The following NTRK2 variants were observed in gnomAD, a reference collection of about 807,000 sequenced individuals.
NTRK2 encodes neurotrophic receptor tyrosine kinase 2, also known as BDNF/NT-3 growth factors receptor.
Under a neutral mutation model 94.5 loss-of-function variants are expected in NTRK2, and 13 were observed. That is an observed-to-expected ratio of 0.14 (90% CI 0.09 to 0.22). NTRK2 has a LOEUF of 0.22. Among genes scored for constraint, NTRK2 ranks in the 10% least tolerant of loss-of-function variants. The pLI, the probability that NTRK2 is intolerant of heterozygous loss-of-function variation, is 1.00. For synonymous variants in NTRK2, 372 were observed against 407.4 expected, an observed-to-expected ratio of 0.91 and a Z score of 1.05; for missense variants, 639 against 1,071.2, an observed-to-expected ratio of 0.60 and a Z score of 5.63.
chr9:84,762,953 G>A (rs2065715100), intron 12 of NTRK2, among the ~76,000 whole-genome samples: 1 of 152,166 alleles, frequency 6.6e-6, no homozygotes, highest in African/African-American at 2.4e-5. Flanking sequence ...GCTGGTGGCT[G>A]TCCATCTTCC....
intron 6 of NTRK2, among the ~76,000 whole-genome samples, chr9:84,717,131 G>A (rs59940325): frequency 1.3e-5 from 2 of 152,184 alleles, no homozygotes; most frequent in Non-Finnish European, 2.9e-5. Context: ...TGCACAAATA[G>A]AAGTGAGAGG....
intron 15 of NTRK2, among the ~76,000 whole-genome samples, chr9:84,940,951 T>C (rs1040721702): frequency 2.0e-5 from 3 of 152,166 alleles, no homozygotes; most frequent in Non-Finnish European, 4.4e-5. Context: ...TCCACTTACA[T>C]TGGCATGTGA....
chr9:84,776,688 A>G (rs573198068), intron 12 of NTRK2, among the ~76,000 whole-genome samples: 1 of 152,332 alleles, frequency 6.6e-6, no homozygotes, highest in African/African-American at 2.4e-5. Context: ...TGGCATGAAC[A>G]GCATATTTGT....
At chr9:84,983,603 G>A (rs888294522) in intron 17 of NTRK2, among the ~76,000 whole-genome samples, 1 of 152,096 alleles carries the variant, frequency 6.6e-6, no homozygotes, top group Non-Finnish European at 1.5e-5. Flanking sequence ...CTAAATCTGG[G>A]ATAGTGTAAA....
At chr9:84,983,872 G>A (rs1206680234) in intron 17 of NTRK2, among the ~76,000 whole-genome samples, 2 of 152,156 alleles carry the variant, frequency 1.3e-5, no homozygotes, top group South Asian at 2.1e-4. Context: ...GAACTCTAGG[G>A]TCACACCCTG....
intron 12 of NTRK2, chr9:84,814,930 A>G: frequency 6.6e-6 from 7 of 1,060,114 alleles, no homozygotes; most frequent in Non-Finnish European, 6.8e-6. Context: ...CTATGTTCAC[A>G]TGCCTGTAGT....
chr9:84,958,655 C>T (rs1295330899), intron 17 of NTRK2, among the ~76,000 whole-genome samples: 1 of 152,126 alleles, frequency 6.6e-6, no homozygotes, highest in South Asian at 2.1e-4. Flanking sequence ...GCAATGGCCT[C>T]TGTTGCAGAT....
chr9:84,839,600 C>T lies in NTRK2; in HGVS notation c.1397-21440C>T, dbSNP rs72739907. On this transcript the variant is annotated intron_variant, in intron 12 of 18. Coordinates refer to ENST00000277120, the MANE Select transcript of NTRK2 (RefSeq NM_006180.6). ...AGGTCAACACCAGATATTTATGGAG[C>T]GCGTACAGGCCATGTGCTGAATCGG... is the stretch of plus-strand genomic sequence containing the variant. 4.0e-3 allele frequency among the ~76,000 whole-genome samples: 606 copies of T among 152,252 alleles called. 2 individuals carry two copies. The highest frequency in any genetic ancestry group is 7.8e-3 in the Admixed American group (119 of 15,298).
chr9:84,873,504 C>T, intron 14 of NTRK2: 2 of 1,056,512 alleles, frequency 1.9e-6, no homozygotes, highest in Non-Finnish European at 2.3e-6. Context: ...AGTGCCACGG[C>T]CCCCCCATTG....
chr9:84,999,080 A>G (rs1830069529), intron 17 of NTRK2, among the ~76,000 whole-genome samples: 3 of 152,198 alleles, frequency 2.0e-5, no homozygotes, highest in South Asian at 4.1e-4. Context: ...TGGCCTGCAT[A>G]AGAGAACCCA....
chr9:84,977,733 T>C (rs556204742), intron 17 of NTRK2, among the ~76,000 whole-genome samples: 3 of 152,358 alleles, frequency 2.0e-5, no homozygotes, highest in Admixed American at 2.0e-4. Context: ...TATTGCACTA[T>C]GCAAATATTG....
At chr9:84,894,710 G>C (rs2076708168) in intron 14 of NTRK2, among the ~76,000 whole-genome samples, 1 of 152,206 alleles carries the variant, frequency 6.6e-6, no homozygotes, top group African/African-American at 2.4e-5. Context: ...AGTGATGACA[G>C]ACATCAGATT....
rs544807520 is a variant in NTRK2 at position 84,986,464 on chromosome 9, T to G, written c.2172+30947T>G. 6.6e-5 allele frequency among the ~76,000 whole-genome samples: 10 copies of G among 152,234 alleles called. No individual in the cohort carries two copies. The South Asian group carries it at 1.0e-3, about 16-fold the overall frequency. Reference sequence around the variant, plus strand: ...TATGAGAATCTAATGCCACCACTGATCTGATAGGAGGCGGACCCCAGGCAG... The same window carrying G: ...TATGAGAATCTAATGCCACCACTGAGCTGATAGGAGGCGGACCCCAGGCAG... On this transcript the variant is annotated intron_variant, in intron 17 of 18. Transcript: ENST00000277120.
chr9:84,922,975 A>G (rs188084970), intron 14 of NTRK2, among the ~76,000 whole-genome samples: 1 of 152,376 alleles, frequency 6.6e-6, no homozygotes, highest in East Asian at 1.9e-4. Context: ...TGTGCTTTGC[A>G]TATTAACTGA....
At chr9:84,720,339 C>G (rs900472345) in intron 6 of NTRK2, among the ~76,000 whole-genome samples, 2 of 152,172 alleles carry the variant, frequency 1.3e-5, no homozygotes, top group African/African-American at 4.8e-5. Flanking sequence ...TGAGAAACTA[C>G]AGATAGAGTG....
intron 14 of NTRK2, among the ~76,000 whole-genome samples, chr9:84,884,869 A>G (rs2076366718): frequency 6.6e-6 from 1 of 152,236 alleles, no homozygotes; most frequent in Non-Finnish European, 1.5e-5. Flanking sequence ...TTTAATATGT[A>G]TCAGTGCAAC....
chr9:85,004,061 AAGG>A (rs1203882794), intron 17 of NTRK2, among the ~76,000 whole-genome samples: 3 of 73,038 alleles, frequency 4.1e-5, no homozygotes, highest in Non-Finnish European at 8.9e-5. Context: ...AAGAGAAAGA[AAGG>A]AGAGAGAGAG....
chr9:84,821,072 A>G (rs2072783798), intron 12 of NTRK2, among the ~76,000 whole-genome samples: 1 of 152,116 alleles, frequency 6.6e-6, no homozygotes, highest in African/African-American at 2.4e-5. Context: ...GTGTAAATGC[A>G]TGAAGTATCC....
intron 17 of NTRK2, among the ~76,000 whole-genome samples, chr9:84,961,799 C>T (rs936256832): frequency 1.3e-5 from 2 of 152,200 alleles, no homozygotes; most frequent in African/African-American, 4.8e-5. Context: ...AAAGAGGAAG[C>T]CTCCAGCCTG....
Sources: gnomAD v4.1 joint callset for allele counts (sites outside exome capture counted in the v4.1 genomes callset) on GRCh38, gnomAD v4.1.1 for gene constraint, MANE v1.5 for transcripts, NCBI Gene and HGNC (gene_info 2026-07-23, HGNC 2026-07-21) for gene names.